Variants in TNR observed in about 807,000 individuals in gnomAD.
TNR encodes tenascin-R.
In TNR, 45 loss-of-function variants were observed where a neutral mutation model predicts 150.4. The ratio of observed to expected loss-of-function variants is 0.30; its 90% CI spans 0.24 to 0.38. TNR has a LOEUF of 0.38. TNR is among the 10% of genes least tolerant of loss of function. The pLI is 1.00. For missense variants in TNR, 1,544 were observed against 1,759.1 expected (o/e 0.88, Z 2.19); for synonymous variants, 687 against 678.4 (o/e 1.01, Z -0.20).
chr1:175,427,908 TCC>T (rs1655086888), intron 2 of TNR, among the ~76,000 whole-genome samples: 1 of 136,012 alleles, frequency 7.4e-6, no homozygotes, highest in African/African-American at 3.1e-5. Context: ...CTTCCTTCCT[TCC>T]TTCCTTCCTT....
intron 1 of TNR, among the ~76,000 whole-genome samples, chr1:175,601,750 G>A (rs1350167879): frequency 6.6e-6 from 1 of 152,174 alleles, no homozygotes; most frequent in Non-Finnish European, 1.5e-5. Flanking sequence ...TGTAAGATGA[G>A]GAGGTTGTAT....
chr1:175,332,267 G>A (rs554578012), intron 20 of TNR, among the ~76,000 whole-genome samples: 1 of 152,212 alleles, frequency 6.6e-6, no homozygotes, highest in Non-Finnish European at 1.5e-5. Flanking sequence ...TCTAAGTGGT[G>A]ACCAGCTCTG....
At chr1:175,597,816 T>C (rs1455171991) in intron 1 of TNR, among the ~76,000 whole-genome samples, 2 of 152,194 alleles carry the variant, frequency 1.3e-5, no homozygotes, top group Non-Finnish European at 2.9e-5. Context: ...TAGGGAAGAA[T>C]GAATTTTAAT....
At chr1:175,693,134 C>G (rs1666419570) in intron 1 of TNR, among the ~76,000 whole-genome samples, 4 of 152,218 alleles carry the variant, frequency 2.6e-5, no homozygotes. Context: ...AATGAGGTCA[C>G]AGTCTTTGGA....
At chr1:175,471,355 T>C (rs960928874) in intron 2 of TNR, among the ~76,000 whole-genome samples, 1 of 152,158 alleles carries the variant, frequency 6.6e-6, no homozygotes, top group Non-Finnish European at 1.5e-5. Context: ...TGCTAAGAAA[T>C]GTGTCGTTAG....
At chr1:175,612,341 GA>G (rs560252378) in intron 1 of TNR, among the ~76,000 whole-genome samples, 81 of 152,314 alleles carry the variant, frequency 5.3e-4, no homozygotes, top group African/African-American at 1.9e-3. Flanking sequence ...TTTTGCTGGG[GA>G]TATCTGAGTC....
At chr1:175,354,722 C>G (rs1482687508) in intron 17 of TNR, among the ~76,000 whole-genome samples, 199 bp from the exon 18 acceptor site, 2 of 152,182 alleles carry the variant, frequency 1.3e-5, no homozygotes, top group East Asian at 3.9e-4. Context: ...AGGCCAGCTC[C>G]TATCTCAGGA....
chr1:175,354,753 A>C (rs547354571), intron 17 of TNR, among the ~76,000 whole-genome samples: 1 of 152,230 alleles, frequency 6.6e-6, no homozygotes, highest in South Asian at 2.1e-4. Context: ...GGATAAATTT[A>C]GGTACCTGCA....
At chr1:175,410,945 G>C (rs1654185334) in intron 2 of TNR, among the ~76,000 whole-genome samples, 2 of 152,194 alleles carry the variant, frequency 1.3e-5, no homozygotes, top group Admixed American at 1.3e-4. Flanking sequence ...TACCAAACTT[G>C]ACTTTAATGG....
At chr1:175,384,919 C>A (rs863986) in intron 8 of TNR, among the ~76,000 whole-genome samples, 1 of 152,034 alleles carries the variant, frequency 6.6e-6, no homozygotes, top group Non-Finnish European at 1.5e-5. Flanking sequence ...TTAAACCCAG[C>A]GGAACACAGG....
chr1:175,451,150 CT>C (rs1656290567), intron 2 of TNR, among the ~76,000 whole-genome samples: 1 of 151,462 alleles, frequency 6.6e-6, no homozygotes, highest in African/African-American at 2.4e-5. Context: ...TGCCTTTGCA[CT>C]TGAGGAAACT....
intron 8 of TNR, among the ~76,000 whole-genome samples, chr1:175,385,570 A>C (rs1652877119): frequency 6.6e-6 from 1 of 152,232 alleles, no homozygotes; most frequent in Non-Finnish European, 1.5e-5. Context: ...GCATAATGCC[A>C]ATGCACATCA....
intron 2 of TNR, among the ~76,000 whole-genome samples, chr1:175,458,129 A>G (rs1025877721): frequency 2.6e-5 from 4 of 152,250 alleles, no homozygotes; most frequent in Non-Finnish European, 4.4e-5. Context: ...AGAGCTCCAT[A>G]AATGCTAGGT....
At chr1:175,598,023 C>A (rs1448063343) in intron 1 of TNR, among the ~76,000 whole-genome samples, 1 of 152,112 alleles carries the variant, frequency 6.6e-6, no homozygotes, top group Non-Finnish European at 1.5e-5. Context: ...TCCTGGACCT[C>A]ACCTTTATCA....
Position 175,583,344 on chromosome 1 carries a change from A to G in TNR, c.-164-54975T>C, listed in dbSNP as rs557182583. Among the ~76,000 whole-genome samples the G allele has an allele frequency of 2.2e-3, 330 of 152,314 alleles. 2 individuals are homozygous for G. The highest frequency in any genetic ancestry group is 7.8e-3 in the African/African-American group (325 of 41,574). ...CAGTGCCTGTGAGAGCTGAAGTAGG[A>G]GCCCAGCTGGCTAGAGGAGCCTGTT... On this transcript the variant is annotated intron_variant, in intron 1 of 22. Coordinates refer to ENST00000367674, the MANE Select transcript of TNR (RefSeq NM_003285.3).
chr1:175,593,073 C>T (rs1217787686), intron 1 of TNR, among the ~76,000 whole-genome samples: 1 of 152,068 alleles, frequency 6.6e-6, no homozygotes, highest in African/African-American at 2.4e-5. Flanking sequence ...TTTGATGCCA[C>T]CGGTTGAATC....
intron 9 of TNR, among the ~76,000 whole-genome samples, chr1:175,372,388 G>A (rs1028226971): frequency 2.6e-5 from 4 of 152,254 alleles, no homozygotes; most frequent in Non-Finnish European, 4.4e-5. Flanking sequence ...GAGAAGATCA[G>A]CATGGGCTGT....
chr1:175,473,442 T>C (rs1481835673), intron 2 of TNR, among the ~76,000 whole-genome samples: 2 of 152,200 alleles, frequency 1.3e-5, no homozygotes, highest in African/African-American at 2.4e-5. Flanking sequence ...GTTTAGGACA[T>C]GCTTCAGGCT....
At chr1:175,514,312 G>C (rs1304708139) in intron 2 of TNR, among the ~76,000 whole-genome samples, 2 of 152,190 alleles carry the variant, frequency 1.3e-5, no homozygotes, top group Non-Finnish European at 2.9e-5. Context: ...AAAGAGCATG[G>C]GTAGCCTGTA....
Sources: allele counts gnomAD v4.1 joint callset (sites outside exome capture counted in the v4.1 genomes callset), GRCh38; gene constraint gnomAD v4.1.1; transcripts MANE v1.5; gene names NCBI Gene and HGNC (gene_info 2026-07-23, HGNC 2026-07-21).